Variants in DSCAM observed in about 807,000 individuals in gnomAD.
DSCAM encodes cell adhesion molecule DSCAM.
A neutral mutation model predicts 217.7 loss-of-function variants in DSCAM; 47 were observed. The ratio of observed to expected loss-of-function variants is 0.22; its 90% CI spans 0.17 to 0.28. The LOEUF (loss-of-function observed/expected upper bound fraction) is 0.28, where lower values mean the gene tolerates loss of function less well. Among genes scored for constraint, DSCAM ranks in the 10% least tolerant of loss-of-function variants. The pLI is 1.00. For synonymous variants in DSCAM, 1,056 were observed against 1,015.3 expected, an observed-to-expected ratio of 1.04 and a Z score of -0.76; for missense variants, 2,080 against 2,618.3, an observed-to-expected ratio of 0.79 and a Z score of 4.49.
intron 3 of DSCAM, among the ~76,000 whole-genome samples, chr21:40,511,916 G>A (rs981707247): frequency 4.7e-5 from 7 of 148,192 alleles, no homozygotes; most frequent in African/African-American, 1.5e-4. Flanking sequence ...GCGCGAATCC[G>A]GGAGCTGGAG....
intron 3 of DSCAM, among the ~76,000 whole-genome samples, chr21:40,493,354 A>G (rs960224419): frequency 6.6e-6 from 1 of 152,188 alleles, no homozygotes; most frequent in African/African-American, 2.4e-5. Context: ...GGCTGAAAGA[A>G]CATTAATAAA....
intron 20 of DSCAM, among the ~76,000 whole-genome samples, chr21:40,111,334 G>T (rs1169274189): frequency 1.3e-5 from 2 of 151,836 alleles, no homozygotes; most frequent in Non-Finnish European, 2.9e-5. Context: ...AAGTGAAGGA[G>T]AAATAAAATA....
At chr21:40,514,011 A>G (rs1477832497) in intron 3 of DSCAM, among the ~76,000 whole-genome samples, 1 of 152,210 alleles carries the variant, frequency 6.6e-6, no homozygotes. Context: ...GCAGTGACAG[A>G]TTGCATACAG....
In DSCAM at chr21:40,025,081, G is replaced by C. The variant is rs201927361; in HGVS notation, c.5687-11695C>G. Among the ~76,000 whole-genome samples the C allele has an allele frequency of 2.9e-3, 372 of 127,526 alleles. 1 individual carries two copies. Among genetic ancestry groups the C allele is most frequent in the East Asian group, 0.01 (47 of 4,484 alleles). 83.7% of individuals were successfully genotyped at this position (127,526 alleles called of 152,430 possible). A position where few individuals can be genotyped will look rare whatever the true frequency, so the allele number is the denominator to read the frequency against. On this transcript the variant is annotated intron_variant, in intron 32 of 32. Coordinates refer to ENST00000400454, the MANE Select transcript of DSCAM (RefSeq NM_001389.5). ...ACTTATTGAGAGTTTTTAGCATGAAGGGTTGTTGAATTTTGTCAAAGGCCT... is the reference window on the plus strand; with the variant it reads ...ACTTATTGAGAGTTTTTAGCATGAACGGTTGTTGAATTTTGTCAAAGGCCT...
In DSCAM at chr21:40,055,732, C is replaced by T; in HGVS notation, c.5028G>A (p.Glu1676=). The T allele has an allele frequency of 1.2e-6, 2 of 1,611,790 alleles. No individual in the cohort carries two copies. The highest frequency in any genetic ancestry group is 1.7e-6 in the Non-Finnish European group (2 of 1,178,040). ...QLLIEERDTM[E]TIDDRSTVLL... ...GCAAATAGGGCAGCTTACCAATGGT[C>T]TCCATCGTGTCTCTCTCTTCAATCA... The change falls in exon 29 of 33, where the codon GAG becomes GAA. Residue 1676 remains glutamate (E), a synonymous_variant. Transcript: ENST00000400454.
At chr21:40,051,356 A>C (rs987495057) in intron 30 of DSCAM, among the ~76,000 whole-genome samples, 2 of 152,236 alleles carry the variant, frequency 1.3e-5, no homozygotes, top group African/African-American at 4.8e-5. Flanking sequence ...ATGGATGCAA[A>C]TATTAATAAC....
rs564016493 is a variant in DSCAM, at chr21:40,758,495, C to T, written c.44-49724G>A. Among the ~76,000 whole-genome samples the T allele has an allele frequency of 3.1e-4, 38 of 121,240 alleles. No individual in the cohort carries two copies. The South Asian group carries it at 5.0e-3, about 16-fold the overall frequency. The allele number at this position is 121,240 out of a possible 152,430, so 79.5% of individuals were successfully genotyped here. A position where few individuals can be genotyped will look rare whatever the true frequency, so the allele number is the denominator to read the frequency against. ...TGGTGCCACTGCACTCCAGCCTGGG[C>T]GACAGAGCAAGACTCTGTCTCAAAA... is the stretch of plus-strand genomic sequence containing the variant. On this transcript the variant is annotated intron_variant, in intron 1 of 32. Transcript: ENST00000400454.
chr21:40,050,558 C>T (rs924765602), intron 30 of DSCAM, among the ~76,000 whole-genome samples: 1 of 151,996 alleles, frequency 6.6e-6, no homozygotes, highest in Non-Finnish European at 1.5e-5. Flanking sequence ...TCTCAGCTCA[C>T]TGCAAGCTCT....
At chr21:40,170,482 A>G (rs1170425229) in intron 15 of DSCAM, among the ~76,000 whole-genome samples, 1 of 152,200 alleles carries the variant, frequency 6.6e-6, no homozygotes, top group African/African-American at 2.4e-5. Flanking sequence ...ATTAGTTCCA[A>G]AAATGCAAAG....
intron 8 of DSCAM, among the ~76,000 whole-genome samples, chr21:40,329,135 C>T (rs2074348624): frequency 6.6e-6 from 1 of 152,128 alleles, no homozygotes; most frequent in African/African-American, 2.4e-5. Context: ...ATAGAACCAC[C>T]ATATTTTCTA....
intron 32 of DSCAM, among the ~76,000 whole-genome samples, chr21:40,029,407 G>A (rs541117017): frequency 6.6e-6 from 1 of 150,414 alleles, no homozygotes; most frequent in Non-Finnish European, 1.5e-5. Flanking sequence ...CCCCTTCCTT[G>A]GGGAATGCAT....
At chr21:40,677,251 C>G (rs1204764319) in intron 3 of DSCAM, among the ~76,000 whole-genome samples, 1 of 151,690 alleles carries the variant, frequency 6.6e-6, no homozygotes, top group African/African-American at 2.4e-5. Context: ...CAGAGGAAAC[C>G]AGGACAAATA....
intron 3 of DSCAM, among the ~76,000 whole-genome samples, chr21:40,658,624 C>T (rs1441618420): frequency 6.6e-6 from 1 of 152,124 alleles, no homozygotes; most frequent in Non-Finnish European, 1.5e-5. Flanking sequence ...ATACGACTTA[C>T]AAGTCTGAAA....
chr21:40,207,078 A>G (rs551569897), intron 11 of DSCAM, among the ~76,000 whole-genome samples: 1 of 152,368 alleles, frequency 6.6e-6, no homozygotes, highest in African/African-American at 2.4e-5. Flanking sequence ...AAACATGCAA[A>G]CAAATAAATA....
At chr21:40,619,025 A>C (rs973158812) in intron 3 of DSCAM, among the ~76,000 whole-genome samples, 1 of 151,834 alleles carries the variant, frequency 6.6e-6, no homozygotes, top group African/African-American at 2.4e-5. Context: ...GCAGTATGCC[A>C]CTTAAACCCA....
intron 11 of DSCAM, among the ~76,000 whole-genome samples, chr21:40,221,255 C>T (rs1026098679): frequency 5.9e-5 from 9 of 152,032 alleles, no homozygotes; most frequent in Admixed American, 1.3e-4. Flanking sequence ...CATGCCACCA[C>T]CACACTACCC....
At chr21:40,729,729 A>T (rs2178854) in intron 1 of DSCAM, among the ~76,000 whole-genome samples, 3,301 of 152,302 alleles carry the variant, frequency 0.022, 126 homozygotes, top group African/African-American at 0.076. Context: ...TAAAACTATG[A>T]TCAAAAATTG....
intron 7 of DSCAM, 96 bp downstream of exon 7, chr21:40,339,023 C>T: frequency 1.4e-6 from 2 of 1,461,376 alleles, no homozygotes; most frequent in Non-Finnish European, 1.9e-6. Flanking sequence ...TTAATCCGCT[C>T]TGGCATTCCA....
chr21:40,445,106 A>G (rs1187031180), intron 3 of DSCAM, among the ~76,000 whole-genome samples: 1 of 152,216 alleles, frequency 6.6e-6, no homozygotes, highest in African/African-American at 2.4e-5. Context: ...ACATGGTGGA[A>G]GAGACAAGGC....
Sources: allele counts gnomAD v4.1 joint callset (sites outside exome capture counted in the v4.1 genomes callset), GRCh38; gene constraint gnomAD v4.1.1; transcripts MANE v1.5; gene names NCBI Gene and HGNC (gene_info 2026-07-23, HGNC 2026-07-21).